PCDHA1: variants seen among roughly 807,000 people sequenced by gnomAD.
PCDHA1 encodes the protein protocadherin alpha 1.
In PCDHA1, 42 loss-of-function variants were observed where a neutral mutation model predicts 61.3. The ratio of observed to expected loss-of-function variants is 0.69; its 90% CI spans 0.54 to 0.89. The LOEUF is 0.89. PCDHA1 is among the 40% of genes least tolerant of loss of function. PCDHA1 has a pLI of 0.00. For synonymous variants in PCDHA1, 610 were observed against 553.8 expected (o/e 1.10, Z -1.43); for missense variants, 1,256 against 1,235.3 (o/e 1.02, Z -0.25).
At chr5:140,856,866 A>G in intron 1 of PCDHA1, 1 of 1,595,900 alleles carries the variant, frequency 6.3e-7, no homozygotes, top group Non-Finnish European at 8.6e-7. Flanking sequence ...GAAGGAATAA[A>G]CAAGGAAATG....
At chr5:140,989,329 C>A (rs1554250749) in intron 3 of PCDHA1, among the ~76,000 whole-genome samples, 2 of 152,120 alleles carry the variant, frequency 1.3e-5, no homozygotes, top group African/African-American at 4.8e-5. Context: ...AACTTTGCCA[C>A]CTGACTCAGC....
chr5:141,010,432 C>CA lies in PCDHA1; in HGVS notation c.*498dup. ...AATTGGTACAAGGAAGGCAAGAAAA[C>CA]AAAGACAAATAAACAGCGGAAGTTA... On this transcript the variant is annotated 3_prime_UTR_variant, in exon 4 of 4. Transcript: ENST00000504120. 2.8e-6 allele frequency: 3 copies of CA among 1,056,970 alleles called. No homozygotes were observed. The highest frequency in any genetic ancestry group is 4.0e-6 in the Non-Finnish European group (3 of 756,282). The allele number at this position is 1,056,970 out of a possible 1,614,324, so 65.5% of individuals were successfully genotyped here.
intron 1 of PCDHA1, chr5:140,801,705 TAC>T (rs782584193): frequency 1.3e-5 from 21 of 1,614,104 alleles, no homozygotes; most frequent in Non-Finnish European, 1.8e-5. Context: ...GTTGTTGACT[TAC>T]AGTCTTGATT....
At chr5:140,808,569 C>T in intron 1 of PCDHA1, 1 of 1,614,078 alleles carries the variant, frequency 6.2e-7, no homozygotes, top group South Asian at 1.1e-5. Context: ...CCCGAGTACA[C>T]AGTGTTCGTG....
Position 140,929,131 on chromosome 5 carries a change from G to A in PCDHA1, c.2395-49818G>A, listed in dbSNP as rs782040825. ...ATCAGCCACCATAGATGTCACTACA[G>A]TTGAGAGACTTTCTCAGACTTATCT... On this transcript the variant is annotated intron_variant, in intron 1 of 3. Coordinates refer to ENST00000504120, the MANE Select transcript of PCDHA1 (RefSeq NM_018900.4). 5.0e-6 allele frequency: 8 copies of A among 1,614,036 alleles called. No homozygotes were observed. The East Asian group carries it at 6.7e-5, about 13-fold the overall frequency.
intron 1 of PCDHA1, among the ~76,000 whole-genome samples, chr5:140,846,079 G>A (rs1024607553): frequency 1.3e-5 from 2 of 149,824 alleles, no homozygotes; most frequent in South Asian, 2.1e-4. Flanking sequence ...TTTTGGAAAG[G>A]TTAAAGTCCT....
chr5:140,876,138 A>G (rs781923596), intron 1 of PCDHA1: 1 of 1,613,952 alleles, frequency 6.2e-7, no homozygotes. Context: ...AACCAGAACT[A>G]ACAGGGTCTG....
chr5:140,882,873 G>T, intron 1 of PCDHA1: 6 of 1,614,222 alleles, frequency 3.7e-6, no homozygotes, highest in Non-Finnish European at 5.1e-6. Flanking sequence ...ACACTGGACA[G>T]AGAGGAAATT....
At chr5:140,881,729 A>G (rs2058810929) in intron 1 of PCDHA1, among the ~76,000 whole-genome samples, 1 of 152,206 alleles carries the variant, frequency 6.6e-6, no homozygotes. Flanking sequence ...CTTGAAAAAT[A>G]TTACAGGAAG....
At chr5:140,998,156 C>T (rs782675490) in intron 3 of PCDHA1, among the ~76,000 whole-genome samples, 3 of 152,178 alleles carry the variant, frequency 2.0e-5, no homozygotes, top group Non-Finnish European at 4.4e-5. Context: ...ACAGTTAAGC[C>T]ATGTGCCAAG....
In PCDHA1 at chr5:140,858,149, G is replaced by A. The variant is rs782725386; in HGVS notation, c.2394+69465G>A. The A allele has an allele frequency of 1.5e-5, 24 of 1,597,456 alleles. 4 individuals carry two copies. The highest frequency in any genetic ancestry group is 1.3e-4 in the African/African-American group (10 of 74,378). ...GGATGTCAACGTGTACCTGATCATC[G>A]CCATCTGCGCGGTGTCCAGCTTGCT... On this transcript the variant is annotated intron_variant, in intron 1 of 3. Transcript: ENST00000504120.
rs1769616789 is a variant in PCDHA1, at chr5:140,828,216, G to A, written c.2394+39532G>A. ...TCCGTACCCGAGGAGGCCAAACACG[G>A]CACCTTCGTGGGCCGGATCGCGCAG... On this transcript the variant is annotated intron_variant, in intron 1 of 3. Transcript: ENST00000504120. The A allele has an allele frequency of 3.1e-6, 5 of 1,614,022 alleles. No individual in the cohort carries two copies. The East Asian group carries it at 1.1e-4, about 36-fold the overall frequency.
chr5:140,841,640 G>T, intron 1 of PCDHA1: 1 of 1,614,170 alleles, frequency 6.2e-7, no homozygotes, highest in Non-Finnish European at 8.5e-7. Context: ...CATCCACCTG[G>T]AGGTGATCGT....
intron 1 of PCDHA1, chr5:140,842,406 A>G: frequency 6.2e-7 from 1 of 1,612,200 alleles, no homozygotes; most frequent in Non-Finnish European, 8.5e-7. Context: ...GTACGTGAAG[A>G]CGCTCAATTT....
At chr5:140,968,560 C>T (rs782202250) in intron 1 of PCDHA1, 2 of 1,614,154 alleles carry the variant, frequency 1.2e-6, no homozygotes, top group Admixed American at 1.7e-5. Context: ...CTCGAACTGC[C>T]CCTGCTGGCT....
intron 1 of PCDHA1, chr5:140,966,634 G>A: frequency 9.8e-7 from 1 of 1,022,982 alleles, no homozygotes; most frequent in Non-Finnish European, 1.3e-6. Flanking sequence ...GGCCCCAGGC[G>A]CTTTCTAGAG....
At chr5:140,808,424 C>T (rs1554124532) in intron 1 of PCDHA1, 1 of 1,614,174 alleles carries the variant, frequency 6.2e-7, no homozygotes, top group Admixed American at 1.7e-5. Flanking sequence ...GGACAGTGCC[C>T]TGGACCGCGA....
At chr5:140,862,748 C>T in intron 1 of PCDHA1, 1 of 577,560 alleles carries the variant, frequency 1.7e-6, no homozygotes, top group Non-Finnish European at 3.3e-6. Flanking sequence ...TGGGTGCACG[C>T]GGAGAGCGGC....
At chr5:140,951,723 A>C (rs1364455679) in intron 1 of PCDHA1, among the ~76,000 whole-genome samples, 1 of 152,104 alleles carries the variant, frequency 6.6e-6, no homozygotes, top group African/African-American at 2.4e-5. Context: ...GATCCAAACC[A>C]TGTCATTCTG....
Sources: gnomAD v4.1 joint callset for allele counts (sites outside exome capture counted in the v4.1 genomes callset) on GRCh38, gnomAD v4.1.1 for gene constraint, MANE v1.5 for transcripts, NCBI Gene and HGNC (gene_info 2026-07-23, HGNC 2026-07-21) for gene names.